PABPC4L: variants seen among roughly 807,000 people sequenced by gnomAD.
PABPC4L encodes poly(A) binding protein cytoplasmic 4 like.
For synonymous variants in PABPC4L, 169 were observed against 164.1 expected (o/e 1.03, Z -0.23); for missense variants, 452 against 451.4 (o/e 1.00, Z -0.01).
At chr4:134,024,188 T>C in the PABPC4L span, among the ~76,000 whole-genome samples, 292 of 152,252 alleles carry the variant, frequency 1.9e-3, 1 homozygote, top group African/African-American at 6.6e-3. Context: ...TTGAATTCTT[T>C]CAGTTCTACT....
At chr4:134,016,585 C>T in the PABPC4L span, among the ~76,000 whole-genome samples, 1 of 152,142 alleles carries the variant, frequency 6.6e-6, no homozygotes, top group South Asian at 2.1e-4. Context: ...TCACATCCTA[C>T]TCCCCCGCTG....
At chr4:134,131,714 CA>C in the PABPC4L span, among the ~76,000 whole-genome samples, 436 of 10,632 alleles carry the variant, frequency 0.041, no homozygotes, top group Non-Finnish European at 0.06. Flanking sequence ...CCTGTGAAAC[CA>C]AAAAAAAAAA....
rs929570181 is a variant in PABPC4L, at chr4:134,197,259, A to G, written c.*2648T>C. On this transcript the variant is annotated 3_prime_UTR_variant, in exon 2 of 2. Transcript: ENST00000421491. ...TCAAGTATTTACCAAAATACATGTT[A>G]TTAAAAATGGAAAAGCACATTTTTA... is the stretch of plus-strand genomic sequence containing the variant. 2.0e-5 allele frequency: 3 copies of G among 151,732 alleles called. No homozygotes were observed. Among genetic ancestry groups the G allele is most frequent in the African/African-American group, 7.2e-5 (3 of 41,432 alleles). 9.4% of individuals were successfully genotyped at this position (151,732 alleles called of 1,614,324 possible). A position where few individuals can be genotyped will look rare whatever the true frequency, so the allele number is the denominator to read the frequency against.
the PABPC4L span, among the ~76,000 whole-genome samples, chr4:133,971,586 T>C: frequency 2.0e-5 from 3 of 152,246 alleles, no homozygotes; most frequent in South Asian, 2.1e-4. Flanking sequence ...TCAAATAATA[T>C]CACTCAGCAA....
chr4:134,014,677 T>C, the PABPC4L span, among the ~76,000 whole-genome samples: 2 of 151,876 alleles, frequency 1.3e-5, no homozygotes, highest in African/African-American at 4.8e-5. Context: ...CAGAAGCCCC[T>C]TAGACCATCA....
the PABPC4L span, among the ~76,000 whole-genome samples, chr4:134,021,844 G>T: frequency 6.6e-6 from 1 of 151,834 alleles, no homozygotes; most frequent in Admixed American, 6.6e-5. Flanking sequence ...CTTCATTAAT[G>T]CTCTTCTTGA....
the PABPC4L span, among the ~76,000 whole-genome samples, chr4:133,992,096 C>A: frequency 6.6e-6 from 1 of 152,144 alleles, no homozygotes; most frequent in African/African-American, 2.4e-5. Flanking sequence ...TATTTGGGGT[C>A]TGGGATGTCC....
At chr4:134,125,418 C>T in the PABPC4L span, among the ~76,000 whole-genome samples, 12 of 152,054 alleles carry the variant, frequency 7.9e-5, no homozygotes, top group South Asian at 4.2e-4. Flanking sequence ...CCCATTAACT[C>T]GTCATTTCAA....
chr4:134,013,193 C>G, the PABPC4L span, among the ~76,000 whole-genome samples: 5 of 152,036 alleles, frequency 3.3e-5, no homozygotes, highest in Non-Finnish European at 7.4e-5. Context: ...CTCCTTCACC[C>G]TTAGCGGCAA....
the PABPC4L span, among the ~76,000 whole-genome samples, chr4:134,059,192 A>G: frequency 1.3e-5 from 2 of 151,896 alleles, no homozygotes; most frequent in Non-Finnish European, 2.9e-5. Context: ...ACCTACTCCA[A>G]AAATGATCTG....
chr4:134,158,412 A>G, the PABPC4L span, among the ~76,000 whole-genome samples: 1 of 152,040 alleles, frequency 6.6e-6, no homozygotes, highest in African/African-American at 2.4e-5. Flanking sequence ...TTTTCTAGGT[A>G]GGAGTTATGG....
At chr4:134,156,526 C>T in the PABPC4L span, among the ~76,000 whole-genome samples, 19 of 150,904 alleles carry the variant, frequency 1.3e-4, no homozygotes, top group East Asian at 1.9e-4. Flanking sequence ...TGTGGATGCA[C>T]GGAAAAAAAT....
At chr4:134,062,100 GAA>G in the PABPC4L span, among the ~76,000 whole-genome samples, 5 of 150,194 alleles carry the variant, frequency 3.3e-5, no homozygotes, top group South Asian at 1.0e-3. Flanking sequence ...GGAAATGTAT[GAA>G]AAAGAAAAAA....
chr4:133,959,559 A>G, the PABPC4L span, among the ~76,000 whole-genome samples: 1 of 152,206 alleles, frequency 6.6e-6, no homozygotes, highest in Admixed American at 6.5e-5. Context: ...GGCTGAGACT[A>G]GTTCAAAATA....
At chr4:134,179,386 A>G in the PABPC4L span, among the ~76,000 whole-genome samples, 14 of 152,274 alleles carry the variant, frequency 9.2e-5, no homozygotes, top group South Asian at 2.9e-3. Context: ...TCCTGAAGGG[A>G]GTGCTAAATA....
chr4:134,011,764 G>A, the PABPC4L span, among the ~76,000 whole-genome samples: 41,396 of 151,914 alleles, frequency 0.27, 6,001 homozygotes, highest in East Asian at 0.44. Flanking sequence ...GTAATTTAAC[G>A]ATATGTAGAA....
the PABPC4L span, among the ~76,000 whole-genome samples, chr4:134,141,766 A>G: frequency 2.0e-5 from 3 of 151,708 alleles, no homozygotes; most frequent in Non-Finnish European, 4.4e-5. Flanking sequence ...AGAGATTGAG[A>G]GCCTTTCCTT....
chr4:134,028,006 G>A, the PABPC4L span, among the ~76,000 whole-genome samples: 11 of 152,194 alleles, frequency 7.2e-5, no homozygotes, highest in Admixed American at 5.9e-4. Flanking sequence ...TTAGATAGCT[G>A]GGACACTAAT....
chr4:134,183,012 TG>T, the PABPC4L span, among the ~76,000 whole-genome samples: 5 of 152,010 alleles, frequency 3.3e-5, no homozygotes, highest in Admixed American at 6.6e-5. Flanking sequence ...CTTGTGGGAA[TG>T]TAAATTAGTT....
Sources: allele counts gnomAD v4.1 joint callset (sites outside exome capture counted in the v4.1 genomes callset), GRCh38; gene constraint gnomAD v4.1.1; transcripts MANE v1.5; gene names NCBI Gene and HGNC (gene_info 2026-07-23, HGNC 2026-07-21).